The following TEAD4 variants were observed in gnomAD, a reference collection of about 807,000 sequenced individuals.
The protein encoded by TEAD4 is TEA domain transcription factor 4.
Under a neutral mutation model 52.4 loss-of-function variants are expected in TEAD4, and 36 were observed. That is an observed-to-expected ratio of 0.69 (90% CI 0.53 to 0.91). The LOEUF (loss-of-function observed/expected upper bound fraction) is 0.91. Among genes scored for constraint, TEAD4 ranks in the 40% least tolerant of loss-of-function variants. The pLI, the probability that TEAD4 is intolerant of heterozygous loss-of-function variation, is 0.00. For missense variants in TEAD4, 508 were observed against 583.9 expected, an observed-to-expected ratio of 0.87 and a Z score of 1.34; for synonymous variants, 220 against 231.0, an observed-to-expected ratio of 0.95 and a Z score of 0.43.
Position 2,994,792 on chromosome 12 carries a change from C to G in TEAD4, c.26C>G (p.Thr9Ser). The G allele has an allele frequency of 6.2e-7, 1 of 1,613,304 alleles. No homozygotes were observed. Among genetic ancestry groups the G allele is most frequent in the Non-Finnish European group, 8.5e-7 (1 of 1,179,738 alleles). The change falls in exon 3 of 13, where the codon ACC becomes AGC. Residue 9 changes from threonine to serine, a missense_variant. By Grantham distance (58) the Thr-to-Ser change is moderately conservative. Transcript: ENST00000359864. This position sits in a 1 kb window ranked among gnomAD's most constrained non-coding sequence, Gnocchi z 4.7. ...TTGGAGGGCACGGCCGGCACCATTA[C>G]CTCCAACGAGTGGAGCTCTCCCACC...
At chr12:2,979,553 C>T (rs1027061970) in intron 2 of TEAD4, among the ~76,000 whole-genome samples, 1 of 152,222 alleles carries the variant, frequency 6.6e-6, no homozygotes, top group Non-Finnish European at 1.5e-5. Flanking sequence ...CTGCTCAGTG[C>T]ACGCATGTGT....
At chr12:3,039,980 C>T in intron 11 of TEAD4, 127 bp from the exon 12 acceptor site, 1 of 1,308,570 alleles carries the variant, frequency 7.6e-7, no homozygotes, top group Non-Finnish European at 1.1e-6. Flanking sequence ...AGCCACTGCC[C>T]CTGGCTGGGG....
At chr12:3,016,644 A>G (rs1441472341) in intron 5 of TEAD4, among the ~76,000 whole-genome samples, 1 of 151,956 alleles carries the variant, frequency 6.6e-6, no homozygotes, top group Non-Finnish European at 1.5e-5. Context: ...CACAGTTTCC[A>G]TTAGGCTTCT....
intron 2 of TEAD4, among the ~76,000 whole-genome samples, chr12:2,987,669 G>A (rs927464384): frequency 6.6e-5 from 10 of 151,822 alleles, no homozygotes; most frequent in South Asian, 2.1e-4. Flanking sequence ...TGATCCGCCC[G>A]CCTCGGCCTC....
At chr12:2,978,294 T>C (rs2098231381) in intron 2 of TEAD4, among the ~76,000 whole-genome samples, 1 of 152,160 alleles carries the variant, frequency 6.6e-6, no homozygotes, top group Admixed American at 6.5e-5. Context: ...TTCACAATTG[T>C]GCTGCAGTCT....
chr12:3,031,911 A>T (rs895738982), intron 10 of TEAD4, among the ~76,000 whole-genome samples: 1 of 152,018 alleles, frequency 6.6e-6, no homozygotes, highest in Non-Finnish European at 1.5e-5. Context: ...GCTGCCCTCC[A>T]TGCAGCATCC....
chr12:2,992,054 T>C (rs2098243551), intron 2 of TEAD4, among the ~76,000 whole-genome samples: 1 of 147,346 alleles, frequency 6.8e-6, no homozygotes, highest in African/African-American at 2.5e-5. Flanking sequence ...AGTCTCGCTC[T>C]GTCGCCCAGG....
chr12:3,023,209 T>G (rs979778306), intron 10 of TEAD4, among the ~76,000 whole-genome samples: 4 of 152,050 alleles, frequency 2.6e-5, no homozygotes, highest in Non-Finnish European at 5.9e-5. Flanking sequence ...GGCACATCTA[T>G]TGGCAGAGAT....
chr12:3,023,663 C>T (rs555013935), intron 10 of TEAD4, among the ~76,000 whole-genome samples: 51 of 151,534 alleles, frequency 3.4e-4, no homozygotes, highest in African/African-American at 1.2e-3. Context: ...TGGTGGCACA[C>T]GCCTGTAATC....
At chr12:3,014,966 A>G (rs4759431) in intron 5 of TEAD4, among the ~76,000 whole-genome samples, 143,066 of 152,272 alleles carry the variant, frequency 0.94, 67,826 homozygotes, top group East Asian at 1. Flanking sequence ...GGGAGAGGTC[A>G]GGGGCTGGCC....
chr12:2,988,214 G>A (rs1296130152), intron 2 of TEAD4, among the ~76,000 whole-genome samples: 1 of 151,878 alleles, frequency 6.6e-6, no homozygotes, highest in East Asian at 1.9e-4. Context: ...TTATGACACT[G>A]TGAAATACAT....
At chr12:3,016,572 AGCCTGTGC>A (rs986508684) in intron 5 of TEAD4, among the ~76,000 whole-genome samples, 1 of 151,356 alleles carries the variant, frequency 6.6e-6, no homozygotes, top group African/African-American at 2.4e-5. Context: ...GCAGTACTCT[AGCCTGTGC>A]GACAGAGTGA....
intron 5 of TEAD4, among the ~76,000 whole-genome samples, chr12:3,015,138 A>G (rs1169684308): frequency 6.6e-6 from 1 of 152,190 alleles, no homozygotes; most frequent in Non-Finnish European, 1.5e-5. Context: ...GGCCAGGGAC[A>G]AACCTCATCT....
chr12:2,999,351 G>T (rs1485911860), intron 3 of TEAD4, among the ~76,000 whole-genome samples: 3 of 152,110 alleles, frequency 2.0e-5, no homozygotes, highest in African/African-American at 7.2e-5. Flanking sequence ...GGCCGGCCCG[G>T]TGGGGTATGG....
At chr12:2,960,656 G>C (rs2098214534) in intron 2 of TEAD4, among the ~76,000 whole-genome samples, 1 of 152,180 alleles carries the variant, frequency 6.6e-6, no homozygotes. Flanking sequence ...TTGGCTTCCA[G>C]TGGGCGTATT....
intron 10 of TEAD4, 46 bp from the exon 11 acceptor site, chr12:3,037,922 A>G (rs370151686): frequency 5.2e-5 from 82 of 1,587,110 alleles, no homozygotes; most frequent in Non-Finnish European, 6.5e-5. Flanking sequence ...CCCGTCTGAC[A>G]TGGCACCTGC....
At position 3,021,902 on chromosome 12, in the gene TEAD4, A is replaced by G. The variant is rs202053088; in HGVS notation, c.782A>G (p.Tyr261Cys). ...TCCAGCCCAAGCTACAGCGACCCCTACCTCGAAGCCGTGGACATCCGCCAA... is the reference window on the plus strand; with the variant it reads ...TCCAGCCCAAGCTACAGCGACCCCTGCCTCGAAGCCGTGGACATCCGCCAA... Residue 261 changes from tyrosine to cysteine, a missense_variant, in exon 10 of 13, where the codon TAC (tyrosine) becomes TGC (cysteine). By Grantham distance (194) the Tyr-to-Cys change is radical. Coordinates refer to ENST00000359864, the MANE Select transcript of TEAD4 (RefSeq NM_003213.4). 1 of 1,614,206 alleles carries G rather than the reference A, an allele frequency of 6.2e-7. No individual in the cohort carries two copies. The highest frequency in any genetic ancestry group is 2.2e-5 in the East Asian group (1 of 44,878).
At chr12:3,015,050 CTT>C (rs1187296138) in intron 5 of TEAD4, among the ~76,000 whole-genome samples, 3 of 152,194 alleles carry the variant, frequency 2.0e-5, no homozygotes, top group African/African-American at 7.2e-5. Context: ...TTAGCTCCCT[CTT>C]TGGTTATCAG....
At chr12:2,992,045 G>A (rs7964263) in intron 2 of TEAD4, among the ~76,000 whole-genome samples, 14 of 143,770 alleles carry the variant, frequency 9.7e-5, no homozygotes, top group Non-Finnish European at 2.1e-4. Context: ...TTGAGGCGGA[G>A]TCTCGCTCTG....
Sources: gnomAD v4.1 joint callset for allele counts (sites outside exome capture counted in the v4.1 genomes callset) on GRCh38, gnomAD v4.1.1 for gene constraint, Gnocchi (gnomAD v3.1) non-coding constraint, MANE v1.5 for transcripts, NCBI Gene and HGNC (gene_info 2026-07-23, HGNC 2026-07-21) for gene names.